The following ETV1 variants were observed in gnomAD, a reference collection of about 807,000 sequenced individuals.
ETV1 encodes ETS translocation variant 1.
In ETV1, 27 loss-of-function variants were observed where a neutral mutation model predicts 62.3. The observed-to-expected ratio is 0.43, with a 90% CI of 0.32 to 0.60. The LOEUF (loss-of-function observed/expected upper bound fraction) is 0.60. Ranked by LOEUF, ETV1 falls within the 20% of genes least tolerant of loss-of-function variation. ETV1 has a pLI of 0.06. For synonymous variants in ETV1, 222 were observed against 199.6 expected (o/e 1.11, Z -0.94); for missense variants, 605 against 605.8 (o/e 1.00, Z 0.01).
At chr7:13,897,938 G>A (rs1782012945) in intron 13 of ETV1, among the ~76,000 whole-genome samples, 1 of 152,058 alleles carries the variant, frequency 6.6e-6, no homozygotes, top group African/African-American at 2.4e-5. Flanking sequence ...TCCTTTGACG[G>A]GTTGCTACTG....
At chr7:13,904,925 A>G (rs1325123709) in intron 12 of ETV1, among the ~76,000 whole-genome samples, 3 of 149,320 alleles carry the variant, frequency 2.0e-5, no homozygotes, top group African/African-American at 7.4e-5. Flanking sequence ...AATTTTAAAC[A>G]CACTACAGCA....
At position 13,989,374 on chromosome 7, in the gene ETV1, C is replaced by T; in HGVS notation, c.-194G>A. The T allele has an allele frequency of 2.1e-6, 1 of 482,464 alleles. No homozygotes were observed. The highest frequency in any genetic ancestry group is 3.3e-5 in the East Asian group (1 of 30,250). 29.9% of individuals were successfully genotyped at this position (482,464 alleles called of 1,614,324 possible). A position where few individuals can be genotyped will look rare whatever the true frequency, so the allele number is the denominator to read the frequency against. ...TATTTACACTCTCGATGTTTCCCTGCGCGGTCGGTGTACCCCGGGCAGCTC... is the reference window on the plus strand; with the variant it reads ...TATTTACACTCTCGATGTTTCCCTGTGCGGTCGGTGTACCCCGGGCAGCTC... On this transcript the variant is annotated 5_prime_UTR_variant, in exon 2 of 14. Transcript: ENST00000430479.
chr7:13,990,760 G>C (rs1422866320), upstream of ETV1: 6 of 152,334 alleles, frequency 3.9e-5, no homozygotes, highest in Middle Eastern at 0.014. Flanking sequence ...AACAGCGGAC[G>C]GGAGGCCGCG....
At position 13,892,032 on chromosome 7, in the gene ETV1, A is replaced by G; in HGVS notation, c.*3834T>C. 4.3e-6 allele frequency: 1 copy of G among 232,060 alleles called. No homozygotes were observed. Among genetic ancestry groups the G allele is most frequent in the Non-Finnish European group, 8.5e-6 (1 of 117,382 alleles). 14.4% of individuals were successfully genotyped at this position (232,060 alleles called of 1,614,324 possible). ...CTGGCAAAATTCTGTAGCTTCTGGC[A>G]ATATATTTCTTTCCTGGTTATATAA... On this transcript the variant is annotated 3_prime_UTR_variant, in exon 14 of 14. Coordinates refer to ENST00000430479, the MANE Select transcript of ETV1 (RefSeq NM_004956.5).
chr7:13,931,491 C>A lies in ETV1; in HGVS notation c.802+11G>T. On this transcript the variant is annotated intron_variant, in intron 9 of 13. Transcript: ENST00000430479. ...TGCCTTGAATGTAATTTGCGCAGAG[C>A]GCAGGCCTACCTGAGTCATATGCAA... 6.2e-7 allele frequency: 1 copy of A among 1,613,848 alleles called. No homozygotes were observed. Among genetic ancestry groups the A allele is most frequent in the Non-Finnish European group, 8.5e-7 (1 of 1,179,806 alleles).
At position 13,931,542 on chromosome 7, in the gene ETV1, C is replaced by A; in HGVS notation, c.762G>T (p.Leu254=). The change falls in exon 9 of 14, where the codon CTG becomes CTT. Residue 254 remains leucine, a synonymous_variant. Transcript: ENST00000430479. Reference sequence around the variant, plus strand: ...AATCTCTGGGTTCCTGTTTAATCATCAGAGGAGGGGGAAAGCTTTGGCTGG... The same window carrying A: ...AATCTCTGGGTTCCTGTTTAATCATAAGAGGAGGGGGAAAGCTTTGGCTGG... ...SAASQSFPPP[L]MIKQEPRDFA... is the part of the protein sequence containing the mutation. The A allele has an allele frequency of 6.2e-7, 1 of 1,614,042 alleles. No individual in the cohort carries two copies. The highest frequency in any genetic ancestry group is 1.3e-5 in the African/African-American group (1 of 75,058).
chr7:13,898,099 A>G (rs1416718666), intron 13 of ETV1, among the ~76,000 whole-genome samples: 1 of 152,188 alleles, frequency 6.6e-6, no homozygotes, highest in Non-Finnish European at 1.5e-5. Context: ...CATTTGCTGG[A>G]CTATGTTAAA....
chr7:13,906,297 G>C, intron 12 of ETV1, 133 bp downstream of exon 12: 1 of 580,044 alleles, frequency 1.7e-6, no homozygotes, highest in Non-Finnish European at 2.8e-6. Flanking sequence ...ATCTTTGCAT[G>C]CTTTTTAATT....
At chr7:13,962,576 A>G (rs1415943113) in intron 6 of ETV1, among the ~76,000 whole-genome samples, 1 of 152,136 alleles carries the variant, frequency 6.6e-6, no homozygotes, top group Non-Finnish European at 1.5e-5. Flanking sequence ...GTGTTGCCAA[A>G]TAGAGTCCAA....
chr7:13,928,059 CTA>C (rs1254043604), intron 9 of ETV1, among the ~76,000 whole-genome samples: 1 of 152,078 alleles, frequency 6.6e-6, no homozygotes, highest in Non-Finnish European at 1.5e-5. Context: ...CGATGCTGGA[CTA>C]TGTTTTGAAG....
chr7:13,899,339 G>A (rs1235258971), intron 13 of ETV1, among the ~76,000 whole-genome samples: 1 of 152,180 alleles, frequency 6.6e-6, no homozygotes, highest in African/African-American at 2.4e-5. Context: ...ACATTTTGAA[G>A]GCATGATTGA....
intron 6 of ETV1, among the ~76,000 whole-genome samples, chr7:13,968,666 C>T (rs538799705): frequency 8.6e-5 from 13 of 151,882 alleles, no homozygotes; most frequent in Non-Finnish European, 1.5e-4. Flanking sequence ...CCATGAATTA[C>T]GTTTTTTTCT....
chr7:13,916,340 AAG>A (rs1784152105), intron 9 of ETV1, among the ~76,000 whole-genome samples: 1 of 152,280 alleles, frequency 6.6e-6, no homozygotes, highest in African/African-American at 2.4e-5. Flanking sequence ...TCTTAAAAAA[AAG>A]AGAGAAAAGT....
chr7:13,908,347 T>G (rs1443609327), intron 11 of ETV1, among the ~76,000 whole-genome samples: 4 of 152,146 alleles, frequency 2.6e-5, no homozygotes, highest in Non-Finnish European at 5.9e-5. Context: ...TTTTTCTTTC[T>G]TATATGCCCT....
intron 6 of ETV1, among the ~76,000 whole-genome samples, chr7:13,962,324 C>T: frequency 6.6e-6 from 1 of 151,838 alleles, no homozygotes; most frequent in Non-Finnish European, 1.5e-5. Context: ...CAAGGTCACA[C>T]AGCTAGTAAA....
chr7:13,964,847 T>C (rs17167697), intron 6 of ETV1, among the ~76,000 whole-genome samples: 26,815 of 152,004 alleles, frequency 0.18, 3,792 homozygotes, highest in African/African-American at 0.39. Flanking sequence ...CAGCTAAGGG[T>C]GTACAATCTT....
At chr7:13,947,506 C>A (rs1338659559) in intron 6 of ETV1, among the ~76,000 whole-genome samples, 1 of 151,892 alleles carries the variant, frequency 6.6e-6, no homozygotes, top group Non-Finnish European at 1.5e-5. Flanking sequence ...ATAATAATTC[C>A]CATTTAACAG....
intron 6 of ETV1, among the ~76,000 whole-genome samples, chr7:13,950,032 A>T (rs1178245044): frequency 6.6e-6 from 1 of 152,180 alleles, no homozygotes; most frequent in Non-Finnish European, 1.5e-5. Flanking sequence ...GGGAAAAGTT[A>T]TGTGAACTCT....
intron 13 of ETV1, among the ~76,000 whole-genome samples, chr7:13,896,995 T>A (rs55726390): frequency 2.7e-4 from 41 of 151,982 alleles, no homozygotes; most frequent in Non-Finnish European, 4.4e-4. Context: ...ATGTGACAAC[T>A]GCCTGGAATA....
Sources: gnomAD v4.1 joint callset for allele counts (sites outside exome capture counted in the v4.1 genomes callset) on GRCh38, gnomAD v4.1.1 for gene constraint, MANE v1.5 for transcripts, NCBI Gene and HGNC (gene_info 2026-07-23, HGNC 2026-07-21) for gene names.